The following CSMD1 variants were observed in gnomAD, a reference collection of about 807,000 sequenced individuals.
CSMD1 encodes the protein CUB and sushi domain-containing protein 1.
A neutral mutation model predicts 417.5 loss-of-function variants in CSMD1; 213 were observed. The observed-to-expected ratio is 0.51, with a 90% confidence interval of 0.46 to 0.57. The LOEUF (loss-of-function observed/expected upper bound fraction) is 0.57. Among genes scored for constraint, CSMD1 ranks in the 20% least tolerant of loss-of-function variants. The pLI, the probability that CSMD1 is intolerant of heterozygous loss-of-function variation, is 0.00. For synonymous variants in CSMD1, 2,862 were observed against 1,736.8 expected (o/e 1.65, Z -16.11); for missense variants, 6,923 against 4,529.7 (o/e 1.53, Z -15.17).
intron 21 of CSMD1, among the ~76,000 whole-genome samples, chr8:3,355,326 A>G (rs1480499857): frequency 1.3e-5 from 2 of 152,316 alleles, no homozygotes; most frequent in East Asian, 3.9e-4. Flanking sequence ...ATATTAGGTT[A>G]TGGAATTATA....
At chr8:4,623,936 A>G (rs1247580997) in intron 2 of CSMD1, among the ~76,000 whole-genome samples, 1 of 152,136 alleles carries the variant, frequency 6.6e-6, no homozygotes, top group Non-Finnish European at 1.5e-5. Flanking sequence ...CCACGGTTGT[A>G]TATAAATCTC....
intron 5 of CSMD1, among the ~76,000 whole-genome samples, chr8:3,950,942 CAAG>C (rs1460612524): frequency 6.6e-6 from 1 of 151,982 alleles, no homozygotes; most frequent in Non-Finnish European, 1.5e-5. Context: ...CCTGAACAGA[CAAG>C]AAGAAAAAAC....
intron 9 of CSMD1, among the ~76,000 whole-genome samples, chr8:3,583,048 T>C (rs1451263173): frequency 6.6e-6 from 1 of 152,124 alleles, no homozygotes; most frequent in Admixed American, 6.5e-5. Flanking sequence ...GAATTTCCCT[T>C]ACAGAGCAAC....
intron 26 of CSMD1, among the ~76,000 whole-genome samples, chr8:3,235,265 T>C (rs1206128154): frequency 6.6e-6 from 1 of 152,200 alleles, no homozygotes; most frequent in African/African-American, 2.4e-5. Context: ...TTCATTATAA[T>C]TTTTAAAACC....
intron 2 of CSMD1, among the ~76,000 whole-genome samples, chr8:4,544,016 C>T (rs1388688349): frequency 6.6e-5 from 10 of 152,106 alleles, no homozygotes; most frequent in South Asian, 4.1e-4. Flanking sequence ...TATATATTTT[C>T]GGACACAGGC....
At chr8:4,570,271 G>T (rs939827982) in intron 2 of CSMD1, among the ~76,000 whole-genome samples, 8 of 152,132 alleles carry the variant, frequency 5.3e-5, no homozygotes, top group African/African-American at 1.9e-4. Flanking sequence ...CATTGGCTGT[G>T]GGTTTGTCAT....
intron 5 of CSMD1, among the ~76,000 whole-genome samples, chr8:3,957,977 T>A (rs1189301066): frequency 5.2e-4 from 79 of 152,188 alleles, no homozygotes; most frequent in Non-Finnish European, 1.3e-4. Flanking sequence ...ATTTTTACTT[T>A]CTTTTTGCTT....
chr8:3,919,419 G>C (rs777020199), intron 5 of CSMD1, among the ~76,000 whole-genome samples: 2 of 151,850 alleles, frequency 1.3e-5, no homozygotes, highest in East Asian at 1.9e-4. Flanking sequence ...TGTCTTTTTG[G>C]CATGTTTTTT....
chr8:3,101,178 C>T (rs1232238570), intron 46 of CSMD1, among the ~76,000 whole-genome samples: 1 of 151,984 alleles, frequency 6.6e-6, no homozygotes, highest in Non-Finnish European at 1.5e-5. Context: ...TCTAGCTTTC[C>T]AGCCTGATTT....
At chr8:3,855,248 A>G (rs1216381034) in intron 5 of CSMD1, among the ~76,000 whole-genome samples, 1 of 152,200 alleles carries the variant, frequency 6.6e-6, no homozygotes, top group Admixed American at 6.5e-5. Context: ...AGAAATAACC[A>G]TAGATTTTTA....
intron 4 of CSMD1, among the ~76,000 whole-genome samples, chr8:4,029,227 G>T (rs1347956508): frequency 6.6e-6 from 1 of 152,206 alleles, no homozygotes; most frequent in Non-Finnish European, 1.5e-5. Flanking sequence ...AGAAATCCAT[G>T]AAGACTGAAA....
chr8:3,440,541 T>A (rs918507383), intron 12 of CSMD1, among the ~76,000 whole-genome samples: 1 of 152,224 alleles, frequency 6.6e-6, no homozygotes, highest in African/African-American at 2.4e-5. Context: ...TCTAAGAGTT[T>A]ATCTGTGAAT....
chr8:4,874,141 T>G (rs1030749060), intron 1 of CSMD1, among the ~76,000 whole-genome samples: 2 of 152,190 alleles, frequency 1.3e-5, no homozygotes, highest in African/African-American at 4.8e-5. Flanking sequence ...TAGATAACTT[T>G]ATCTTTTTCA....
At chr8:3,089,764 C>G (rs143496557) in intron 48 of CSMD1, among the ~76,000 whole-genome samples, 19 of 151,928 alleles carry the variant, frequency 1.3e-4, no homozygotes, top group African/African-American at 3.9e-4. Flanking sequence ...CTCTCTCTCT[C>G]TCCACTTAAA....
intron 5 of CSMD1, among the ~76,000 whole-genome samples, chr8:3,912,926 G>C (rs1808558202): frequency 6.6e-6 from 1 of 152,194 alleles, no homozygotes; most frequent in Admixed American, 6.5e-5. Context: ...GGTCATTCAG[G>C]TAAGAGAACA....
At chr8:3,209,713 C>A (rs1361136382) in intron 30 of CSMD1, among the ~76,000 whole-genome samples, 2 of 151,900 alleles carry the variant, frequency 1.3e-5, no homozygotes, top group Non-Finnish European at 2.9e-5. Context: ...TATTTTAATG[C>A]AACAACAAAA....
chr8:4,449,137 C>T (rs1256492610), intron 2 of CSMD1, among the ~76,000 whole-genome samples: 2 of 152,140 alleles, frequency 1.3e-5, no homozygotes, highest in Admixed American at 1.3e-4. Flanking sequence ...GAAGTCTAAC[C>T]AGACTTTGCA....
intron 10 of CSMD1, among the ~76,000 whole-genome samples, chr8:3,558,916 G>A (rs958447951): frequency 1.1e-4 from 17 of 152,236 alleles, no homozygotes; most frequent in Admixed American, 9.2e-4. Context: ...AGCGTCCTGG[G>A]GCAGCACCAC....
chr8:3,189,651 A>G (rs1303402604), intron 34 of CSMD1, among the ~76,000 whole-genome samples: 1 of 152,084 alleles, frequency 6.6e-6, no homozygotes, highest in East Asian at 1.9e-4. Context: ...TTCCACACCC[A>G]TAACTTTAGA....
Sources: allele counts gnomAD v4.1 joint callset (sites outside exome capture counted in the v4.1 genomes callset), GRCh38; gene constraint gnomAD v4.1.1; transcripts MANE v1.5; gene names NCBI Gene and HGNC (gene_info 2026-07-23, HGNC 2026-07-21).